ZNF277: variants seen among roughly 807,000 people sequenced by gnomAD.
The protein encoded by ZNF277 is zinc finger protein 277.
Under a neutral mutation model 60.7 loss-of-function variants are expected in ZNF277, and 55 were observed. The ratio of observed to expected loss-of-function variants is 0.91; its 90% confidence interval spans 0.73 to 1.13. The LOEUF (loss-of-function observed/expected upper bound fraction) is 1.13. ZNF277 is among the 50% of genes most tolerant of loss of function. The pLI is 0.00. For synonymous variants in ZNF277, 178 were observed against 179.3 expected (o/e 0.99, Z 0.06); for missense variants, 510 against 523.0 (o/e 0.98, Z 0.24).
At chr7:112,291,839 T>C (rs902436711) in intron 2 of ZNF277, among the ~76,000 whole-genome samples, 4 of 152,232 alleles carry the variant, frequency 2.6e-5, no homozygotes, top group African/African-American at 9.6e-5. Context: ...TTGTTGTTGT[T>C]GTCTATAGTA....
intron 1 of ZNF277, among the ~76,000 whole-genome samples, chr7:112,270,479 G>T (rs187697859): frequency 6.6e-6 from 1 of 151,978 alleles, no homozygotes; most frequent in South Asian, 2.1e-4. Context: ...GAGAAAGCTC[G>T]GCCCTGATTG....
chr7:112,322,104 C>G (rs1447628363), intron 5 of ZNF277, among the ~76,000 whole-genome samples: 2 of 151,908 alleles, frequency 1.3e-5, no homozygotes, highest in Non-Finnish European at 2.9e-5. Context: ...GATTTGTGTT[C>G]CTGTTTGTGT....
chr7:112,251,174 C>T (rs1033307311), intron 1 of ZNF277, among the ~76,000 whole-genome samples: 7 of 152,130 alleles, frequency 4.6e-5, no homozygotes, highest in African/African-American at 7.2e-5. Context: ...ACTTGTCAGA[C>T]CCAGAGTGAA....
At chr7:112,275,848 A>T (rs527519391) in intron 1 of ZNF277, among the ~76,000 whole-genome samples, 1 of 152,312 alleles carries the variant, frequency 6.6e-6, no homozygotes, top group Non-Finnish European at 1.5e-5. Context: ...TTAGTTTCCC[A>T]CTTTTTTACC....
rs752648415 is a variant in ZNF277, at chr7:112,337,771, G to A, written c.911G>A (p.Cys304Tyr). The change falls in exon 9 of 12, where the codon TGC (cysteine) becomes TAC (tyrosine). Residue 304 changes from cysteine (C) to tyrosine (Y), a missense_variant. By Grantham distance (194) the Cys-to-Tyr change is radical (BLOSUM62 -2). Coordinates refer to ENST00000361822, the MANE Select transcript of ZNF277 (RefSeq NM_021994.3). ...GAAGAACACCCTGCCTCTGCAGTCT[G>A]CTTATTTTGTGAAAAGCAAGCAGAA... ...DWEEHPASAV[C>Y]LFCEKQAETI... The A allele has an allele frequency of 3.7e-6, 6 of 1,612,354 alleles. No homozygotes were observed. The highest frequency in any genetic ancestry group is 1.7e-5 in the Admixed American group (1 of 59,990).
intron 4 of ZNF277, among the ~76,000 whole-genome samples, chr7:112,296,909 T>TTTA (rs1289590358): frequency 2.0e-4 from 12 of 61,112 alleles, no homozygotes; most frequent in Admixed American, 2.8e-4. Context: ...TATTTATTTA[T>TTTA]TTATTTTTTT....
At chr7:112,293,456 A>T (rs915678807) in intron 2 of ZNF277, among the ~76,000 whole-genome samples, 1 of 151,634 alleles carries the variant, frequency 6.6e-6, no homozygotes, top group African/African-American at 2.4e-5. Flanking sequence ...GTGCGTGCCT[A>T]TAGTCCCAGC....
At position 112,293,144 on chromosome 7, in the gene ZNF277, C is replaced by G. The variant is rs1317491206; in HGVS notation, c.294-2725C>G. 2.0e-5 allele frequency among the ~76,000 whole-genome samples: 3 copies of G among 152,178 alleles called. No individual in the cohort carries two copies. The South Asian group carries it at 6.2e-4, about 32-fold the overall frequency. On this transcript the variant is annotated intron_variant, in intron 2 of 11. Transcript: ENST00000361822. ...CTTTGAATTCAAAGTCCTTGCTTCT[C>G]TATTCACCATTGCCTCCGGGGTGGT...
At chr7:112,325,145 A>G (rs1793066575) in intron 5 of ZNF277, among the ~76,000 whole-genome samples, 1 of 152,224 alleles carries the variant, frequency 6.6e-6, no homozygotes, top group East Asian at 1.9e-4. Context: ...TGGAGAGGAC[A>G]GCCAGCCCCT....
chr7:112,334,711 C>G (rs1793297453), intron 7 of ZNF277, among the ~76,000 whole-genome samples: 1 of 152,212 alleles, frequency 6.6e-6, no homozygotes, highest in Admixed American at 6.5e-5. Flanking sequence ...TGACAAGCAA[C>G]ATTTGCCCTT....
At chr7:112,233,894 A>T (rs1270345015) in intron 1 of ZNF277, among the ~76,000 whole-genome samples, 1 of 152,154 alleles carries the variant, frequency 6.6e-6, no homozygotes, top group Non-Finnish European at 1.5e-5. Context: ...ATGAAAGTGT[A>T]AATTAAAGTT....
intron 4 of ZNF277, among the ~76,000 whole-genome samples, chr7:112,307,095 T>C (rs2117094343): frequency 6.6e-6 from 1 of 152,204 alleles, no homozygotes; most frequent in Non-Finnish European, 1.5e-5. Flanking sequence ...TAAAGAATGG[T>C]CCCCAGAAGC....
At chr7:112,222,170 G>A (rs1425803183) in intron 1 of ZNF277, among the ~76,000 whole-genome samples, 1 of 152,202 alleles carries the variant, frequency 6.6e-6, no homozygotes, top group Non-Finnish European at 1.5e-5. Flanking sequence ...TCCTTCTCTG[G>A]CTTTGGTATC....
chr7:112,336,226 A>G lies in ZNF277; in HGVS notation c.869+55A>G, dbSNP rs973141502. On this transcript the variant is annotated intron_variant, in intron 8 of 11. Transcript: ENST00000361822. ...GCAGTGTTCCAAGAGTAAGAAGACA[A>G]TGCTTTAGTTTGGTTTAAATTATGA... 3.7e-5 allele frequency: 56 copies of G among 1,493,440 alleles called. No individual in the cohort carries two copies. In the African/African-American group the frequency reaches 3.9e-4, roughly 11 times the overall value. The allele number at this position is 1,493,440 out of a possible 1,614,324, so 92.5% of individuals were successfully genotyped here.
intron 1 of ZNF277, among the ~76,000 whole-genome samples, chr7:112,258,695 C>T (rs763201785): frequency 1.3e-5 from 2 of 152,032 alleles, no homozygotes; most frequent in Admixed American, 6.6e-5. Context: ...TCAAGATGGG[C>T]AAGCCTGCAA....
chr7:112,253,714 T>G (rs998547601), intron 1 of ZNF277, among the ~76,000 whole-genome samples: 1 of 152,144 alleles, frequency 6.6e-6, no homozygotes, highest in East Asian at 1.9e-4. Context: ...TCTCATCCTT[T>G]CAAAAAGATG....
At chr7:112,255,519 A>G (rs1316343853) in intron 1 of ZNF277, among the ~76,000 whole-genome samples, 3 of 152,226 alleles carry the variant, frequency 2.0e-5, no homozygotes, top group Non-Finnish European at 4.4e-5. Context: ...GAAATCCCAC[A>G]TGTCAGGCTA....
rs559359250 is a variant in ZNF277 at position 112,331,782 on chromosome 7, G to T, written c.801+1566G>T. Reference sequence around the variant, plus strand: ...TTCAGGACCCAGCCCAGTCTAATAGGGAGTGGACTTCAGTGCTAGCTCTAA... The same window carrying T: ...TTCAGGACCCAGCCCAGTCTAATAGTGAGTGGACTTCAGTGCTAGCTCTAA... On this transcript the variant is annotated intron_variant, in intron 7 of 11. Coordinates refer to ENST00000361822, the MANE Select transcript of ZNF277 (RefSeq NM_021994.3). Among the ~76,000 whole-genome samples, 17 of 152,292 alleles carry T rather than the reference G, an allele frequency of 1.1e-4. 1 individual carries two copies. In the East Asian group the frequency reaches 3.3e-3, roughly 29 times the overall value.
At chr7:112,263,345 A>G (rs1344025400) in intron 1 of ZNF277, among the ~76,000 whole-genome samples, 1 of 152,174 alleles carries the variant, frequency 6.6e-6, no homozygotes, top group Non-Finnish European at 1.5e-5. Flanking sequence ...GAAATGTGGT[A>G]ATGGAATTGA....
Sources: allele counts gnomAD v4.1 joint callset (sites outside exome capture counted in the v4.1 genomes callset), GRCh38; gene constraint gnomAD v4.1.1; transcripts MANE v1.5; gene names NCBI Gene and HGNC (gene_info 2026-07-23, HGNC 2026-07-21).